DCP2: variants seen among roughly 807,000 people sequenced by gnomAD.
DCP2 encodes m7GpppN-mRNA hydrolase.
DCP2 carries 30 observed loss-of-function variants against 56.1 expected under a neutral mutation model. That is an observed-to-expected ratio of 0.53 (90% CI 0.40 to 0.73). The LOEUF is 0.73. Ranked by LOEUF, DCP2 falls within the 30% of genes least tolerant of loss-of-function variation. DCP2 has a pLI of 0.00. For synonymous variants in DCP2, 197 were observed against 163.3 expected (o/e 1.21, Z -1.57); for missense variants, 533 against 502.7 (o/e 1.06, Z -0.58).
chr5:112,992,900 A>ATTT, intron 4 of DCP2, 130 bp downstream of exon 4: 1 of 435,794 alleles, frequency 2.3e-6, no homozygotes, highest in Non-Finnish European at 3.8e-6. Context: ...GAAGTAACTT[A>ATTT]CTTTTTTTTT....
intron 7 of DCP2, among the ~76,000 whole-genome samples, chr5:113,003,615 G>T (rs1749280561): frequency 6.6e-6 from 1 of 152,096 alleles, no homozygotes; most frequent in South Asian, 2.1e-4. Flanking sequence ...TCTAAATTTA[G>T]ATTTATAGTC....
At position 113,015,716 on chromosome 5, in the gene DCP2, C is replaced by G. The variant is rs571746374; in HGVS notation, c.*2232C>G. ...AGTTTATGTGTGTGATGTGACTTAA[C>G]TATGCAGAAAATATTTAAGTTGGAT... On this transcript the variant is annotated 3_prime_UTR_variant, in exon 11 of 11. Coordinates refer to ENST00000389063, the MANE Select transcript of DCP2 (RefSeq NM_152624.6). The G allele has an allele frequency of 3.7e-4, 56 of 152,722 alleles. 1 individual carries two copies. The highest frequency in any genetic ancestry group is 1.2e-3 in the African/African-American group (49 of 41,568). 9.5% of individuals were successfully genotyped at this position (152,722 alleles called of 1,614,324 possible). A position where few individuals can be genotyped will look rare whatever the true frequency, so the allele number is the denominator to read the frequency against.
intron 2 of DCP2, 56 bp downstream of exon 2, chr5:112,986,042 C>G: frequency 1.4e-6 from 2 of 1,447,756 alleles, no homozygotes; most frequent in Non-Finnish European, 1.9e-6. Context: ...TATTTTAGCA[C>G]AAATTTCTTT....
Position 113,012,569 on chromosome 5 carries a change from GA to G in DCP2, c.1100-746del, listed in dbSNP as rs140707647. On this transcript the variant is annotated intron_variant, in intron 10 of 10. Coordinates refer to ENST00000389063, the MANE Select transcript of DCP2 (RefSeq NM_152624.6). ...CCCTGATCTGTTTAAAAGGAGGGGG[GA>G]AAAAATCCCAGATAAATTGGAGTTT... 9.0e-3 allele frequency among the ~76,000 whole-genome samples: 1,365 copies of G among 152,160 alleles called. 26 individuals carry two copies. Among genetic ancestry groups the G allele is most frequent in the African/African-American group, 0.031 (1,285 of 41,530 alleles).
At chr5:113,010,912 G>A (rs1749656745) in intron 10 of DCP2, 105 bp downstream of exon 10, 1 of 1,210,002 alleles carries the variant, frequency 8.3e-7, no homozygotes, top group African/African-American at 1.6e-5. Context: ...AGTTAAGCAG[G>A]AAGAGTTGCA....
Position 113,020,540 on chromosome 5 carries a change from A to G in DCP2, c.*7056A>G, listed in dbSNP as rs569154768. 2.2e-4 allele frequency: 33 copies of G among 152,340 alleles called. No individual in the cohort carries two copies. Among genetic ancestry groups the G allele is most frequent in the African/African-American group, 7.0e-4 (29 of 41,588 alleles). The allele number at this position is 152,340 out of a possible 1,614,324, so 9.4% of individuals were successfully genotyped here. On this transcript the variant is annotated 3_prime_UTR_variant, in exon 11 of 11. Coordinates refer to ENST00000389063, the MANE Select transcript of DCP2 (RefSeq NM_152624.6). ...TTGGAACAGGTTTCATTCTGTTTCT[A>G]GATTTATGTTGTTGTAGTTGAACAG...
chr5:113,013,551 A>C lies in DCP2; in HGVS notation c.*67A>C. 2 of 1,554,670 alleles carry C rather than the reference A, an allele frequency of 1.3e-6. No individual in the cohort carries two copies. The highest frequency in any genetic ancestry group is 1.8e-6 in the Non-Finnish European group (2 of 1,142,646). Reference sequence around the variant, plus strand: ...GTTGAATTTGAGTGGGTGTCTCCTCAAGCCTTACCTTTCTCAGGTGTTTTA... The same window carrying C: ...GTTGAATTTGAGTGGGTGTCTCCTCCAGCCTTACCTTTCTCAGGTGTTTTA... On this transcript the variant is annotated 3_prime_UTR_variant, in exon 11 of 11. Coordinates refer to ENST00000389063, the MANE Select transcript of DCP2 (RefSeq NM_152624.6).
intron 1 of DCP2, among the ~76,000 whole-genome samples, chr5:112,980,568 T>A (rs1747956269): frequency 7.6e-6 from 1 of 131,852 alleles, no homozygotes; most frequent in Non-Finnish European, 1.6e-5. Flanking sequence ...CATACACATA[T>A]GTACACGTAC....
At chr5:112,987,176 CAT>C (rs1468860552) in intron 2 of DCP2, among the ~76,000 whole-genome samples, 1 of 151,932 alleles carries the variant, frequency 6.6e-6, no homozygotes, top group African/African-American at 2.4e-5. Context: ...CCTGATAGTA[CAT>C]GTTTCTAGAA....
intron 4 of DCP2, among the ~76,000 whole-genome samples, chr5:112,995,013 T>C (rs1054488894): frequency 9.2e-5 from 14 of 152,228 alleles, no homozygotes. Flanking sequence ...AGTTTGGGTG[T>C]AACTATTAAT....
intron 1 of DCP2, among the ~76,000 whole-genome samples, chr5:112,982,830 T>A (rs1372840176): frequency 6.6e-6 from 1 of 152,238 alleles, no homozygotes; most frequent in African/African-American, 2.4e-5. Context: ...GTTAAAAAAC[T>A]TTCTTGTCAT....
At chr5:113,009,866 A>C (rs1749601547) in intron 9 of DCP2, among the ~76,000 whole-genome samples, 1 of 150,578 alleles carries the variant, frequency 6.6e-6, no homozygotes, top group African/African-American at 2.5e-5. Context: ...CAGCTAGAAA[A>C]ATATAATACT....
At chr5:112,986,603 G>A (rs1748302149) in intron 2 of DCP2, among the ~76,000 whole-genome samples, 1 of 151,998 alleles carries the variant, frequency 6.6e-6, no homozygotes, top group South Asian at 2.1e-4. Context: ...CTCCTAAAGT[G>A]CTGGGATTAG....
In DCP2 at chr5:112,997,945, G is replaced by A. The variant is rs1030414480; in HGVS notation, c.433-3139G>A. The stretch of plus-strand genomic sequence containing the variant: ...TAACACTTTAAAAAAAATTTTATTT[G>A]TGGATTTTTATCTGCTAACATTTGA... On this transcript the variant is annotated intron_variant, in intron 4 of 10. Transcript: ENST00000389063. Among the ~76,000 whole-genome samples the A allele has an allele frequency of 2.0e-5, 3 of 152,034 alleles. 1 individual carries two copies. In the South Asian group the frequency reaches 6.2e-4, roughly 32 times the overall value.
chr5:113,001,517 T>C, intron 6 of DCP2, 48 bp downstream of exon 6: 1 of 1,607,234 alleles, frequency 6.2e-7, no homozygotes, highest in Non-Finnish European at 8.5e-7. Context: ...GGGATAGTCA[T>C]CTTCTGTCTG....
rs1017672236 is a variant in DCP2, at chr5:113,018,497, A to C, written c.*5013A>C. On this transcript the variant is annotated 3_prime_UTR_variant, in exon 11 of 11. Transcript: ENST00000389063. ...TAGCTGGGTAGTATTGGTCAAAGGT[A>C]CTCTGAAGAGTGAATGCAGAAATCA... 1.3e-5 allele frequency: 2 copies of C among 152,200 alleles called. No individual in the cohort carries two copies. The highest frequency in any genetic ancestry group is 2.9e-5 in the Non-Finnish European group (2 of 68,054). The allele number at this position is 152,200 out of a possible 1,614,324, so 9.4% of individuals were successfully genotyped here. A position where few individuals can be genotyped will look rare whatever the true frequency, so the allele number is the denominator to read the frequency against.
At chr5:112,996,885 T>C (rs1748881440) in intron 4 of DCP2, among the ~76,000 whole-genome samples, 1 of 152,252 alleles carries the variant, frequency 6.6e-6, no homozygotes, top group Non-Finnish European at 1.5e-5. Context: ...TTTGCAATTT[T>C]AGAATTATGC....
intron 3 of DCP2, 119 bp downstream of exon 3, chr5:112,992,367 C>A (rs1748634175): frequency 7.7e-7 from 1 of 1,300,130 alleles, no homozygotes; most frequent in Non-Finnish European, 1.0e-6. Context: ...ATTTTTAGTG[C>A]TAAAAGGCCA....
rs920137578 is a variant in DCP2 at position 113,017,882 on chromosome 5, C to T, written c.*4398C>T. 2.6e-5 allele frequency: 4 copies of T among 151,912 alleles called. No homozygotes were observed. Among genetic ancestry groups the T allele is most frequent in the Admixed American group, 2.0e-4 (3 of 15,240 alleles). The allele number at this position is 151,912 out of a possible 1,614,324, so 9.4% of individuals were successfully genotyped here. On this transcript the variant is annotated 3_prime_UTR_variant, in exon 11 of 11. Transcript: ENST00000389063. ...TCGCCATTATCGAGTGTTTTCTAGC[C>T]CTGGATAAAGTTAATTTTTTTGAAG...
Sources: allele counts gnomAD v4.1 joint callset (sites outside exome capture counted in the v4.1 genomes callset), GRCh38; gene constraint gnomAD v4.1.1; transcripts MANE v1.5; gene names NCBI Gene and HGNC (gene_info 2026-07-23, HGNC 2026-07-21).